The following AKAP19 variants were observed in gnomAD, a reference collection of about 807,000 sequenced individuals.
AKAP19 encodes the protein small A-kinase anchoring protein.
chr2:190,000,467 T>C, the AKAP19 span, among the ~76,000 whole-genome samples: 1 of 152,240 alleles, frequency 6.6e-6, no homozygotes, highest in Non-Finnish European at 1.5e-5. Context: ...TGCTATTTGT[T>C]GGGGAACCCT....
At chr2:190,001,246 G>T in the AKAP19 span, among the ~76,000 whole-genome samples, 1 of 151,924 alleles carries the variant, frequency 6.6e-6, no homozygotes, top group Admixed American at 6.6e-5. Flanking sequence ...TTTCTACATG[G>T]TTTCCCTTGG....
the AKAP19 span, among the ~76,000 whole-genome samples, chr2:190,063,625 TA>T: frequency 6.6e-6 from 1 of 152,112 alleles, no homozygotes; most frequent in Admixed American, 6.6e-5. Context: ...CTCTATAAAT[TA>T]TATCAGAATA....
chr2:190,142,296 C>G, the AKAP19 span, among the ~76,000 whole-genome samples: 1 of 152,140 alleles, frequency 6.6e-6, no homozygotes, highest in Admixed American at 6.5e-5. Flanking sequence ...TCATTAGACA[C>G]AATGATTTTA....
the AKAP19 span, among the ~76,000 whole-genome samples, chr2:190,088,507 A>G: frequency 6.6e-6 from 1 of 152,228 alleles, no homozygotes. Flanking sequence ...TATTTCAAAA[A>G]GATTAAAATA....
the AKAP19 span, among the ~76,000 whole-genome samples, chr2:190,040,436 G>C: frequency 6.6e-6 from 1 of 152,158 alleles, no homozygotes; most frequent in Non-Finnish European, 1.5e-5. Flanking sequence ...CAGAAGCAGA[G>C]TTTGCAAATA....
At chr2:189,966,278 A>G in the AKAP19 span, among the ~76,000 whole-genome samples, 13 of 152,098 alleles carry the variant, frequency 8.5e-5, no homozygotes, top group Non-Finnish European at 1.9e-4. Flanking sequence ...AATTTCACAA[A>G]TCACTAAATA....
the AKAP19 span, among the ~76,000 whole-genome samples, chr2:190,103,835 T>G: frequency 6.6e-6 from 1 of 152,196 alleles, no homozygotes; most frequent in Non-Finnish European, 1.5e-5. Context: ...AAAAAAATTC[T>G]AAAATTCATA....
chr2:190,057,216 A>T, the AKAP19 span: 3 of 1,610,932 alleles, frequency 1.9e-6, no homozygotes, highest in Non-Finnish European at 2.5e-6. Context: ...TGAGGGGAAA[A>T]CCTTCCATGT....
chr2:189,998,209 T>C, the AKAP19 span, among the ~76,000 whole-genome samples: 1 of 152,194 alleles, frequency 6.6e-6, no homozygotes, highest in Non-Finnish European at 1.5e-5. Context: ...CTCTCAGTTT[T>C]CCTGGTATGT....
chr2:190,169,295 C>T, the AKAP19 span, among the ~76,000 whole-genome samples: 1 of 152,088 alleles, frequency 6.6e-6, no homozygotes, highest in Non-Finnish European at 1.5e-5. Context: ...GTCCCTTCCA[C>T]AACACATGAG....
the AKAP19 span, chr2:190,062,165 C>G: frequency 6.3e-7 from 1 of 1,589,776 alleles, no homozygotes; most frequent in Non-Finnish European, 8.6e-7. Flanking sequence ...ATCTGTTTCT[C>G]ATAAACACTA....
chr2:190,149,623 A>G, the AKAP19 span, among the ~76,000 whole-genome samples: 6 of 152,074 alleles, frequency 3.9e-5, no homozygotes, highest in African/African-American at 9.7e-5. Flanking sequence ...ATATATTTGC[A>G]TGGTTCTGAA....
the AKAP19 span, chr2:190,201,308 GA>G: frequency 6.0e-6 from 1 of 166,868 alleles, no homozygotes; most frequent in South Asian, 2.1e-4. Context: ...AGTACTGTTT[GA>G]AGATCAGTGG....
At chr2:189,912,713 G>T in the AKAP19 span, among the ~76,000 whole-genome samples, 2 of 152,142 alleles carry the variant, frequency 1.3e-5, no homozygotes, top group African/African-American at 4.8e-5. Context: ...ATAGTTCATG[G>T]TAACATGTCA....
chr2:189,978,535 T>C, the AKAP19 span, among the ~76,000 whole-genome samples: 1 of 152,278 alleles, frequency 6.6e-6, no homozygotes, highest in South Asian at 2.1e-4. Flanking sequence ...GCATGAGAAT[T>C]GAACCTTGGA....
the AKAP19 span, among the ~76,000 whole-genome samples, chr2:190,188,452 C>T: frequency 6.6e-6 from 1 of 152,192 alleles, no homozygotes; most frequent in Non-Finnish European, 1.5e-5. Flanking sequence ...AACTGATGAC[C>T]ATAGTCACTT....
chr2:189,992,361 T>G, the AKAP19 span, among the ~76,000 whole-genome samples: 1 of 152,182 alleles, frequency 6.6e-6, no homozygotes, highest in African/African-American at 2.4e-5. Flanking sequence ...TGGCCACAAT[T>G]TTTATACTAG....
the AKAP19 span, among the ~76,000 whole-genome samples, chr2:190,154,911 T>A: frequency 2.6e-5 from 4 of 152,202 alleles, no homozygotes; most frequent in Non-Finnish European, 4.4e-5. Flanking sequence ...GATCTGTGTT[T>A]GGAGGCAGGT....
At chr2:189,956,163 A>ATTTTTTTT in the AKAP19 span, among the ~76,000 whole-genome samples, 1 of 48,732 alleles carries the variant, frequency 2.1e-5, no homozygotes, top group Non-Finnish European at 3.7e-5. Context: ...TTACTAGTAT[A>ATTTTTTTT]TTTTCTTTTT....
Sources: gnomAD v4.1 joint callset for allele counts (sites outside exome capture counted in the v4.1 genomes callset) on GRCh38, gnomAD v4.1.1 for gene constraint, MANE v1.5 for transcripts, NCBI Gene and HGNC (gene_info 2026-07-23, HGNC 2026-07-21) for gene names.